The following CEP192 variants were observed in gnomAD, a reference collection of about 807,000 sequenced individuals.
CEP192 encodes the protein centrosomal protein 192, also known as centrosomal protein of 192 kDa.
CEP192 carries 151 observed loss-of-function variants against 271.8 expected under a neutral mutation model. That is an observed-to-expected ratio of 0.56 (90% confidence interval 0.49 to 0.64). The LOEUF is 0.64. Among genes scored for constraint, CEP192 ranks in the 30% least tolerant of loss-of-function variants. The pLI, the probability that CEP192 is intolerant of heterozygous loss-of-function variation, is 0.00. For missense variants in CEP192, 2,910 were observed against 3,020.5 expected (o/e 0.96, Z 0.86); for synonymous variants, 995 against 1,076.5 (o/e 0.92, Z 1.48).
At chr18:13,054,653 G>T (rs1335633804) in intron 18 of CEP192, among the ~76,000 whole-genome samples, 1 of 152,170 alleles carries the variant, frequency 6.6e-6, no homozygotes, top group African/African-American at 2.4e-5. Flanking sequence ...GTATGTGAGG[G>T]CAGTGCTTGT....
At chr18:13,095,294 A>G (rs190958702) in intron 34 of CEP192, among the ~76,000 whole-genome samples, 2 of 152,220 alleles carry the variant, frequency 1.3e-5, no homozygotes, top group Non-Finnish European at 2.9e-5. Context: ...GATCCACCAC[A>G]CCCAGCCTGT....
intron 18 of CEP192, among the ~76,000 whole-genome samples, chr18:13,054,303 T>C (rs142541217): frequency 1.2e-4 from 19 of 152,348 alleles, no homozygotes; most frequent in African/African-American, 4.3e-4. Flanking sequence ...GAGAGATTTA[T>C]GTGGGAGAAG....
chr18:13,104,994 A>T lies in CEP192; in HGVS notation c.6962A>T (p.Glu2321Val), dbSNP rs370027223. The change falls in exon 40 of 45, where the codon GAA becomes GTA. Residue 2321 changes from glutamate to valine, a missense_variant. Physicochemically the swap from Glu to Val is moderately radical, Grantham distance 121. Coordinates refer to ENST00000506447, the MANE Select transcript of CEP192 (RefSeq NM_032142.4). ...ATGATTGCTTTGCAGGGAGTTGATGAAAGTGGAGATGTTTTTAGAGCTACC... is the reference window on the plus strand; with the variant it reads ...ATGATTGCTTTGCAGGGAGTTGATGTAAGTGGAGATGTTTTTAGAGCTACC... ...LAPPYVKGVD[E>V]SGDVFRATYA... The T allele has an allele frequency of 7.4e-6, 12 of 1,612,428 alleles. No homozygotes were observed. Among genetic ancestry groups the T allele is most frequent in the Middle Eastern group, 1.6e-4 (1 of 6,082 alleles).
chr18:13,038,366 C>G lies in CEP192; in HGVS notation c.1600-4C>G. 1 of 1,549,360 alleles carries G rather than the reference C, an allele frequency of 6.5e-7. No individual in the cohort carries two copies. The highest frequency in any genetic ancestry group is 8.7e-7 in the Non-Finnish European group (1 of 1,145,074). ...AAGAAACGAAACAATAACTTTCTCCCTAGGAAGAAAACATAGATGCTCATA... is the reference window on the plus strand; with the variant it reads ...AAGAAACGAAACAATAACTTTCTCCGTAGGAAGAAAACATAGATGCTCATA... On this transcript the variant is annotated splice_region_variant and splice_polypyrimidine_tract_variant and intron_variant, in intron 12 of 44. Coordinates refer to ENST00000506447, the MANE Select transcript of CEP192 (RefSeq NM_032142.4).
chr18:13,042,287 G>A lies in CEP192; in HGVS notation c.2020G>A (p.Val674Met). 6.2e-7 allele frequency: 1 copy of A among 1,614,050 alleles called. No individual in the cohort carries two copies. The highest frequency in any genetic ancestry group is 8.5e-7 in the Non-Finnish European group (1 of 1,179,906). Residue 674 changes from valine (V) to methionine (M), a missense_variant, in exon 15 of 45, where the codon GTG becomes ATG. Coordinates refer to ENST00000506447, the MANE Select transcript of CEP192 (RefSeq NM_032142.4). ...TGAAGCAGTAGAGAGTACTTCACAA[G>A]TGGATGAAAATGATGTGACGTTAAC... Reference protein sequence around the residue: ...QVEAVESTSQVDENDVTLTAD... With the variant: ...QVEAVESTSQMDENDVTLTAD...
chr18:13,068,995 G>A lies in CEP192; in HGVS notation c.4962+4G>A, dbSNP rs1211591851. On this transcript the variant is annotated splice_donor_region_variant and intron_variant, in intron 25 of 44. Transcript: ENST00000506447. ...CCATGCTCCCAGGGACTTGCAGGTA[G>A]CCTCAGTCCTCCTTTCTGCCGTTAC... The A allele has an allele frequency of 1.2e-6, 2 of 1,614,186 alleles. No homozygotes were observed. Among genetic ancestry groups the A allele is most frequent in the South Asian group, 2.2e-5 (2 of 91,086 alleles).
At chr18:13,062,506 C>T (rs1459959959) in intron 21 of CEP192, among the ~76,000 whole-genome samples, 1 of 148,684 alleles carries the variant, frequency 6.7e-6, no homozygotes, top group Admixed American at 6.8e-5. Context: ...CCTGTTATTG[C>T]TAACATTTGG....
chr18:13,057,193 G>A (rs2037155778), intron 19 of CEP192, among the ~76,000 whole-genome samples: 1 of 151,976 alleles, frequency 6.6e-6, no homozygotes, highest in Non-Finnish European at 1.5e-5. Context: ...CATAGGTGGT[G>A]GTATTAAAAT....
At chr18:13,039,180 C>T (rs1296416358) in intron 13 of CEP192, among the ~76,000 whole-genome samples, 1 of 152,080 alleles carries the variant, frequency 6.6e-6, no homozygotes, top group Non-Finnish European at 1.5e-5. Context: ...GCAGGGCCAG[C>T]GCAGTGGCTC....
rs1216459963 is a variant in CEP192 at position 13,089,463 on chromosome 18, T to C, written c.6001T>C (p.Leu2001=). 24 of 1,556,722 alleles carry C rather than the reference T, an allele frequency of 1.5e-5. No individual in the cohort carries two copies. The highest frequency in any genetic ancestry group is 2.0e-5 in the Non-Finnish European group (23 of 1,144,654). ...ISRQQYRRAL[L]HKPEMIKQIL... is the part of the protein sequence containing the mutation. ...AAAAATCTCTCCTGGCAGGGCCCTG[T>C]TACATAAACCAGAGATGATAAAACA... The change falls in exon 33 of 45, where the codon TTA becomes CTA. Residue 2001 remains leucine, a synonymous_variant. Coordinates refer to ENST00000506447, the MANE Select transcript of CEP192 (RefSeq NM_032142.4).
chr18:13,064,775 A>C (rs1330395052), intron 21 of CEP192, among the ~76,000 whole-genome samples: 2 of 152,096 alleles, frequency 1.3e-5, no homozygotes, highest in Non-Finnish European at 2.9e-5. Flanking sequence ...TGATTCCTCC[A>C]GTTTTATTCT....
chr18:13,055,408 C>T (rs1219002633), intron 18 of CEP192, among the ~76,000 whole-genome samples: 2 of 152,294 alleles, frequency 1.3e-5, no homozygotes, highest in African/African-American at 4.8e-5. Flanking sequence ...CCGTTTCAAG[C>T]TTGCTCAGCC....
At chr18:13,054,691 A>G (rs2036987343) in intron 18 of CEP192, among the ~76,000 whole-genome samples, 1 of 152,198 alleles carries the variant, frequency 6.6e-6, no homozygotes. Flanking sequence ...CTGGATACAT[A>G]TTATTTGTTA....
In CEP192 at chr18:13,095,536, C is replaced by T. The variant is rs775126733; in HGVS notation, c.6288C>T (p.Asn2096=). The change falls in exon 35 of 45, where the codon AAC becomes AAT. Residue 2096 remains asparagine (N), a synonymous_variant. Transcript: ENST00000506447. ...GAGCTTCTGGGAAACATGGTGGCAACGTCTCTTTGGATGTTTTACCAGTCA... is the reference window on the plus strand; with the variant it reads ...GAGCTTCTGGGAAACATGGTGGCAATGTCTCTTTGGATGTTTTACCAGTCA... ...DLGASGKHGG[N]VSLDVLPVKG... is the part of the protein sequence containing the mutation. 1.3e-5 allele frequency: 21 copies of T among 1,612,716 alleles called. No individual in the cohort carries two copies. Among genetic ancestry groups the T allele is most frequent in the Admixed American group, 3.3e-5 (2 of 59,724 alleles).
intron 30 of CEP192, among the ~76,000 whole-genome samples, chr18:13,081,658 G>GT: frequency 6.6e-6 from 1 of 152,034 alleles, no homozygotes; most frequent in Non-Finnish European, 1.5e-5. Flanking sequence ...CTGATCTTCA[G>GT]TATTTCTTGC....
intron 13 of CEP192, among the ~76,000 whole-genome samples, chr18:13,039,530 T>C (rs1192686151): frequency 6.6e-6 from 1 of 151,980 alleles, no homozygotes; most frequent in Admixed American, 6.6e-5. Flanking sequence ...ACCTGGCCCT[T>C]GTCTGTGTGC....
chr18:13,072,543 T>C (rs2038065245), intron 28 of CEP192, among the ~76,000 whole-genome samples: 1 of 152,200 alleles, frequency 6.6e-6, no homozygotes, highest in Non-Finnish European at 1.5e-5. Flanking sequence ...GGAGAGAGAT[T>C]AAACCAAAAA....
At chr18:13,116,679 G>A (rs560065514) in intron 43 of CEP192, among the ~76,000 whole-genome samples, 176 bp downstream of exon 43, 2 of 152,076 alleles carry the variant, frequency 1.3e-5, no homozygotes, top group African/African-American at 2.4e-5. Flanking sequence ...GTGCGATCTC[G>A]GCTCACTGCA....
intron 8 of CEP192, 118 bp from the exon 9 acceptor site, chr18:13,018,964 T>A (rs191684057): frequency 1.0e-6 from 1 of 962,706 alleles, no homozygotes; most frequent in Non-Finnish European, 1.5e-6. Context: ...GCTAAATTTG[T>A]CATAGGAGTG....
Sources: allele counts gnomAD v4.1 joint callset (sites outside exome capture counted in the v4.1 genomes callset), GRCh38; gene constraint gnomAD v4.1.1; transcripts MANE v1.5; gene names NCBI Gene and HGNC (gene_info 2026-07-23, HGNC 2026-07-21).